RALGAPA1: variants seen among roughly 807,000 people sequenced by gnomAD.
RALGAPA1 encodes the protein Ral GTPase activating protein catalytic subunit alpha 1.
Under a neutral mutation model 269.6 loss-of-function variants are expected in RALGAPA1, and 52 were observed. The observed-to-expected ratio is 0.19, with a 90% CI of 0.15 to 0.24. The LOEUF (loss-of-function observed/expected upper bound fraction) is 0.24. Among genes scored for constraint, RALGAPA1 ranks in the 10% least tolerant of loss-of-function variants. RALGAPA1 has a pLI of 1.00. For missense variants in RALGAPA1, 1,917 were observed against 3,013.9 expected, an observed-to-expected ratio of 0.64 and a Z score of 8.52; for synonymous variants, 817 against 1,008.3, an observed-to-expected ratio of 0.81 and a Z score of 3.60.
intron 21 of RALGAPA1, 162 bp downstream of exon 21, chr14:35,683,647 A>T (rs1167124442): frequency 5.2e-6 from 3 of 574,606 alleles, no homozygotes; most frequent in East Asian, 5.9e-5. Flanking sequence ...CCTCAGGTCA[A>T]GAAACTAATG....
rs147008287 is a variant in RALGAPA1, at chr14:35,611,342, A to G, written c.6930-5633T>C. Among the ~76,000 whole-genome samples the G allele has an allele frequency of 2.0e-5, 3 of 152,106 alleles. No homozygotes were observed. The East Asian group carries it at 5.8e-4, about 29-fold the overall frequency. Reference sequence around the variant, plus strand: ...CATGGTGAAACCTCATCTCTACTAAAAATACAAAAATCAGCTGGGTGTGGT... The same window carrying G: ...CATGGTGAAACCTCATCTCTACTAAGAATACAAAAATCAGCTGGGTGTGGT... On this transcript the variant is annotated intron_variant, in intron 35 of 41. Coordinates refer to ENST00000680220, the MANE Select transcript of RALGAPA1 (RefSeq NM_001346249.2).
At chr14:35,789,617 T>C (rs2076018416) in intron 1 of RALGAPA1, among the ~76,000 whole-genome samples, 1 of 151,762 alleles carries the variant, frequency 6.6e-6, no homozygotes, top group Non-Finnish European at 1.5e-5. Context: ...TGCCTGAAGA[T>C]CTTCTGAGGT....
rs1159796823 is a variant in RALGAPA1, at chr14:35,670,720, C to T, written c.5202+669G>A. 3.9e-5 allele frequency among the ~76,000 whole-genome samples: 6 copies of T among 152,200 alleles called. No homozygotes were observed. The South Asian group carries it at 6.2e-4, about 16-fold the overall frequency. On this transcript the variant is annotated intron_variant, in intron 26 of 41. Coordinates refer to ENST00000680220, the MANE Select transcript of RALGAPA1 (RefSeq NM_001346249.2). ...CGGGCAGATCACAAGGTCAGGAGTT[C>T]GAGACCAGCCTGACCAACATGGTGA...
At chr14:35,630,270 A>C (rs1415087768) in intron 33 of RALGAPA1, among the ~76,000 whole-genome samples, 1 of 152,040 alleles carries the variant, frequency 6.6e-6, no homozygotes, top group Non-Finnish European at 1.5e-5. Flanking sequence ...TGTAAATATA[A>C]ACATTTCTTA....
intron 22 of RALGAPA1, among the ~76,000 whole-genome samples, chr14:35,675,938 T>C (rs1402902186): frequency 6.6e-6 from 1 of 152,198 alleles, no homozygotes; most frequent in Admixed American, 6.5e-5. Flanking sequence ...GTTAACTTTT[T>C]TCTCTTTACA....
chr14:35,690,761 T>C (rs1242695425), intron 17 of RALGAPA1, among the ~76,000 whole-genome samples: 1 of 152,174 alleles, frequency 6.6e-6, no homozygotes, highest in African/African-American at 2.4e-5. Context: ...TATTTCTGGC[T>C]TCTTACATCT....
At chr14:35,715,874 C>A in intron 16 of RALGAPA1, 1 of 985,388 alleles carries the variant, frequency 1.0e-6, no homozygotes, top group Non-Finnish European at 1.2e-6. Flanking sequence ...CTGCTCATCA[C>A]TCCATTTTCC....
At position 35,786,443 on chromosome 14, in the gene RALGAPA1, C is replaced by A. The variant is rs201437208; in HGVS notation, c.107-10698G>T. 5.9e-5 allele frequency among the ~76,000 whole-genome samples: 9 copies of A among 151,872 alleles called. No homozygotes were observed. In the East Asian group the frequency reaches 1.8e-3, roughly 30 times the overall value. On this transcript the variant is annotated intron_variant, in intron 1 of 41. Transcript: ENST00000680220. The stretch of plus-strand genomic sequence containing the variant: ...TCACGAGGTCACGAGGTCAGAAGAT[C>A]GAGACCATCCCGGCTAACCCCGTCT...
chr14:35,650,484 T>C (rs373505755), intron 31 of RALGAPA1, among the ~76,000 whole-genome samples: 3 of 152,242 alleles, frequency 2.0e-5, no homozygotes, highest in East Asian at 1.9e-4. Flanking sequence ...TATCAAGAGC[T>C]AAACAATCTG....
chr14:35,718,427 G>T (rs2140923591), intron 16 of RALGAPA1, among the ~76,000 whole-genome samples: 1 of 152,282 alleles, frequency 6.6e-6, no homozygotes, highest in East Asian at 1.9e-4. Flanking sequence ...TGCCTCTAGT[G>T]AGGTGAAATG....
intron 33 of RALGAPA1, 122 bp from the exon 34 acceptor site, chr14:35,628,073 C>A: frequency 8.8e-7 from 1 of 1,132,084 alleles, no homozygotes; most frequent in Non-Finnish European, 1.2e-6. Flanking sequence ...GTTTAGATTC[C>A]ATAATACAGT....
chr14:35,688,134 C>A (rs2066120108), intron 18 of RALGAPA1, among the ~76,000 whole-genome samples: 1 of 152,152 alleles, frequency 6.6e-6, no homozygotes, highest in African/African-American at 2.4e-5. Context: ...ATCTTAATTT[C>A]CATACTTGTG....
At chr14:35,545,071 T>A (rs2054334292) in intron 41 of RALGAPA1, among the ~76,000 whole-genome samples, 1 of 152,118 alleles carries the variant, frequency 6.6e-6, no homozygotes, top group Non-Finnish European at 1.5e-5. Context: ...ATAAACAGAT[T>A]TATAGCTTAT....
intron 35 of RALGAPA1, among the ~76,000 whole-genome samples, chr14:35,617,196 G>C (rs543089508): frequency 6.6e-6 from 1 of 152,096 alleles, no homozygotes; most frequent in East Asian, 1.9e-4. Flanking sequence ...GTGGACAGGA[G>C]GGGGACTGGG....
At chr14:35,655,497 T>C (rs1304133601) in intron 29 of RALGAPA1, among the ~76,000 whole-genome samples, 3 of 150,898 alleles carry the variant, frequency 2.0e-5, no homozygotes, top group African/African-American at 7.3e-5. Context: ...AAATACTAGT[T>C]AAAAAAAAAC....
chr14:35,594,174 G>C (rs2058795464), intron 37 of RALGAPA1, among the ~76,000 whole-genome samples: 1 of 152,018 alleles, frequency 6.6e-6, no homozygotes, highest in African/African-American at 2.4e-5. Context: ...AAACCTAGAA[G>C]AGGACATAGA....
chr14:35,615,611 T>C (rs1459515857), intron 35 of RALGAPA1, among the ~76,000 whole-genome samples: 1 of 152,172 alleles, frequency 6.6e-6, no homozygotes, highest in Non-Finnish European at 1.5e-5. Flanking sequence ...ATAAATGTCA[T>C]GCATTCATTT....
chr14:35,582,479 G>A (rs1268930793), intron 37 of RALGAPA1, among the ~76,000 whole-genome samples: 1 of 152,072 alleles, frequency 6.6e-6, no homozygotes, highest in Non-Finnish European at 1.5e-5. Context: ...CATTCCTGGT[G>A]TCCCACTGGA....
At position 35,539,356 on chromosome 14, in the gene RALGAPA1, C is replaced by T. The variant is rs1201868361; in HGVS notation, c.*358G>A. On this transcript the variant is annotated 3_prime_UTR_variant, in exon 42 of 42. Coordinates refer to ENST00000680220, the MANE Select transcript of RALGAPA1 (RefSeq NM_001346249.2). ...TTGGATTGTGGGAAAAAAAATGAAA[C>T]AATAAATAACTTAAATCTTTAATAT... The T allele has an allele frequency of 2.6e-6, 2 of 767,538 alleles. No individual in the cohort carries two copies. Among genetic ancestry groups the T allele is most frequent in the African/African-American group, 3.6e-5 (2 of 55,210 alleles). The allele number at this position is 767,538 out of a possible 1,614,324, so 47.5% of individuals were successfully genotyped here. A position where few individuals can be genotyped will look rare whatever the true frequency, so the allele number is the denominator to read the frequency against.
Sources: allele counts gnomAD v4.1 joint callset (sites outside exome capture counted in the v4.1 genomes callset), GRCh38; gene constraint gnomAD v4.1.1; transcripts MANE v1.5; gene names NCBI Gene and HGNC (gene_info 2026-07-23, HGNC 2026-07-21).